The following MYO7A variants were observed in gnomAD, a reference collection of about 807,000 sequenced individuals.
The protein encoded by MYO7A is myosin VIIA, also known as unconventional myosin-VIIa.
A neutral mutation model predicts 263.8 loss-of-function variants in MYO7A; 210 were observed. That is an observed-to-expected ratio of 0.80 (90% CI 0.71 to 0.89). MYO7A has a LOEUF of 0.89. Ranked by LOEUF, MYO7A falls within the 40% of genes least tolerant of loss-of-function variation. The pLI, the probability that MYO7A is intolerant of heterozygous loss-of-function variation, is 0.00. For synonymous variants in MYO7A, 1,239 were observed against 1,197.3 expected (o/e 1.03, Z -0.72); for missense variants, 2,820 against 2,968.3 (o/e 0.95, Z 1.16).
At chr11:77,205,954 C>T (rs1957420767) in intron 40 of MYO7A, 143 bp from the exon 41 acceptor site, 2 of 717,594 alleles carry the variant, frequency 2.8e-6, no homozygotes, top group Non-Finnish European at 4.8e-6. Flanking sequence ...GAGCTCAAGG[C>T]TCTGGGAGAC....
chr11:77,162,221 T>C lies in MYO7A; in HGVS notation c.1445T>C (p.Ile482Thr). The C allele has an allele frequency of 1.9e-6, 3 of 1,582,450 alleles. No homozygotes were observed. Among genetic ancestry groups the C allele is most frequent in the South Asian group, 1.2e-5 (1 of 86,254 alleles). Residue 482 changes from isoleucine (I) to threonine (T), a missense_variant, in exon 13 of 49, where the codon ATT becomes ACT. Transcript: ENST00000409709. ...LEQEEYDLESIDWLHIEFTDN... is the reference protein window; with the variant it reads ...LEQEEYDLESTDWLHIEFTDN... ...CAGGAGGAATATGACCTGGAGAGCA[T>C]TGACTGGCTGCACATCGAGTTCACT...
chr11:77,207,400 A>T lies in MYO7A; in HGVS notation c.5854A>T (p.Lys1952Ter). ...GFSLFVKIAD[K>*]VLSVPENDFF... is the part of the protein sequence containing the mutation. ...CAGCCTCTTTGTCAAAATTGCAGAC[A>T]AGGTGGGTCCTTTGCCACCTTCGCC... The change falls in exon 42 of 49, where the codon AAG (lysine) becomes TAG (stop). Residue 1952 changes from lysine (K) to a stop codon, truncating the protein, a stop_gained and splice_region_variant. Transcript: ENST00000409709. LOFTEE classifies it high-confidence loss of function. 1 of 1,601,672 alleles carries T rather than the reference A, an allele frequency of 6.2e-7. No homozygotes were observed. The highest frequency in any genetic ancestry group is 8.5e-7 in the Non-Finnish European group (1 of 1,172,836).
intron 46 of MYO7A, chr11:77,212,749 G>T (rs928577533): frequency 9.9e-6 from 6 of 606,470 alleles, no homozygotes; most frequent in African/African-American, 1.8e-5. Flanking sequence ...GCAGAGGATG[G>T]CCTGGGGGAC....
chr11:77,174,963 G>A, intron 17 of MYO7A, 49 bp downstream of exon 17: 1 of 1,592,576 alleles, frequency 6.3e-7, no homozygotes, highest in Non-Finnish European at 8.6e-7. Context: ...CCCAGCTTTG[G>A]CTGGGCAAGG....
At chr11:77,154,574 T>C (rs1192744562) in intron 4 of MYO7A, among the ~76,000 whole-genome samples, 1 of 152,174 alleles carries the variant, frequency 6.6e-6, no homozygotes, top group African/African-American at 2.4e-5. Context: ...AGCTGGCGTC[T>C]TATTTGGCTG....
rs1397984798 is a variant in MYO7A, at chr11:77,189,682, G to T, written c.3630+212G>T. ...TCAGCCCCATTCTACTTAGGAGGGG[G>T]CTGAGTCTGACAGGAGCGTGTCCCA... is the stretch of plus-strand genomic sequence containing the variant. On this transcript the variant is annotated intron_variant, in intron 28 of 48. Transcript: ENST00000409709. Among the ~76,000 whole-genome samples, 7 of 152,204 alleles carry T rather than the reference G, an allele frequency of 4.6e-5. No homozygotes were observed. The East Asian group carries it at 7.7e-4, about 17-fold the overall frequency.
At chr11:77,174,244 G>T (rs1954406108) in intron 16 of MYO7A, among the ~76,000 whole-genome samples, 1 of 152,044 alleles carries the variant, frequency 6.6e-6, no homozygotes, top group Admixed American at 6.5e-5. Flanking sequence ...CCTTAAGGCA[G>T]CTAGAAAGTT....
intron 2 of MYO7A, chr11:77,142,503 GA>G (rs1555051181): frequency 6.2e-6 from 4 of 644,732 alleles, no homozygotes; most frequent in Non-Finnish European, 1.1e-5. Flanking sequence ...GGCTGTTCTA[GA>G]GGGGGGATTG....
chr11:77,160,629 C>A (rs1952904851), intron 11 of MYO7A, among the ~76,000 whole-genome samples: 1 of 152,102 alleles, frequency 6.6e-6, no homozygotes, highest in African/African-American at 2.4e-5. Context: ...GAGCCTTCAC[C>A]CACCACACCA....
intron 44 of MYO7A, 50 bp from the exon 45 acceptor site, chr11:77,211,102 C>A: frequency 6.8e-7 from 1 of 1,473,312 alleles, no homozygotes; most frequent in South Asian, 1.3e-5. Flanking sequence ...GGAAAGGAGC[C>A]CACTTCTGCC....
chr11:77,208,921 A>C, intron 44 of MYO7A, 118 bp downstream of exon 44: 1 of 796,316 alleles, frequency 1.3e-6, no homozygotes, highest in Non-Finnish European at 2.0e-6. Flanking sequence ...CCTGGCCTCA[A>C]AGGGATTCCT....
intron 48 of MYO7A, 32 bp from the exon 49 acceptor site, chr11:77,214,575 G>C: frequency 2.7e-6 from 4 of 1,483,460 alleles, no homozygotes; most frequent in Non-Finnish European, 3.7e-6. Context: ...GTCCCACCGT[G>C]TGCTCGCTTA....
rs1429135127 is a variant in MYO7A at position 77,197,516 on chromosome 11, G to A, written c.4359G>A (p.Lys1453=). 6.8e-6 allele frequency: 11 copies of A among 1,607,302 alleles called. No homozygotes were observed. Among genetic ancestry groups the A allele is most frequent in the East Asian group, 4.5e-5 (2 of 44,736 alleles). The change falls in exon 33 of 49, where the codon AAG becomes AAA. Residue 1453 remains lysine, a synonymous_variant. Coordinates refer to ENST00000409709, the MANE Select transcript of MYO7A (RefSeq NM_000260.4). ...CCCAGAGGAGAACTGATGCCCAGAA[G>A]GTCAAAGAGGATGTGGTCAGTTATG... ...IYAQRRTDAQ[K]VKEDVVSYAR... is the part of the protein sequence containing the mutation.
At chr11:77,190,663 A>G (rs371677505) in intron 29 of MYO7A, 34 bp from the exon 30 acceptor site, 3 of 1,560,770 alleles carry the variant, frequency 1.9e-6, no homozygotes, top group Non-Finnish European at 2.6e-6. Context: ...TCTGAAGGGA[A>G]GGGACCCCAC....
intron 47 of MYO7A, among the ~76,000 whole-genome samples, chr11:77,213,344 G>A (rs561167946): frequency 7.9e-5 from 12 of 152,356 alleles, no homozygotes; most frequent in Admixed American, 6.5e-4. Flanking sequence ...AGGGGTGACC[G>A]TGCATCTGTG....
chr11:77,194,078 A>G lies in MYO7A; in HGVS notation c.4153-276A>G, dbSNP rs75172619. On this transcript the variant is annotated intron_variant, in intron 31 of 48. Transcript: ENST00000409709. Reference sequence around the variant, plus strand: ...TCGATGGGCTGGCTTGTTTCTTTGCATCACTTCATGTGCCCCTGGGCAGAG... The same window carrying G: ...TCGATGGGCTGGCTTGTTTCTTTGCGTCACTTCATGTGCCCCTGGGCAGAG... 5.1e-3 allele frequency: 3,251 copies of G among 637,078 alleles called. 106 individuals carry two copies. The East Asian group carries it at 0.077, about 15-fold the overall frequency. 39.5% of individuals were successfully genotyped at this position (637,078 alleles called of 1,614,324 possible).
intron 39 of MYO7A, 68 bp from the exon 40 acceptor site, chr11:77,205,394 G>A (rs890315857): frequency 1.3e-5 from 19 of 1,510,008 alleles, no homozygotes; most frequent in African/African-American, 2.8e-5. Flanking sequence ...CCCCTCACCC[G>A]GGGGTGCACA....
At chr11:77,175,308 C>T in intron 17 of MYO7A, 64 bp from the exon 18 acceptor site, 5 of 1,457,516 alleles carry the variant, frequency 3.4e-6, no homozygotes, top group Non-Finnish European at 4.8e-6. Flanking sequence ...GCCTCGGGGA[C>T]ACTCCGGAGG....
intron 44 of MYO7A, 36 bp downstream of exon 44, chr11:77,208,839 A>G (rs977816873): frequency 3.4e-6 from 5 of 1,460,578 alleles, no homozygotes; most frequent in African/African-American, 2.8e-5. Flanking sequence ...CTTCGTGCAC[A>G]GCTAGCGTTG....
Sources: allele counts gnomAD v4.1 joint callset (sites outside exome capture counted in the v4.1 genomes callset), GRCh38; gene constraint gnomAD v4.1.1; transcripts MANE v1.5; gene names NCBI Gene and HGNC (gene_info 2026-07-23, HGNC 2026-07-21).